Variants in SLC30A10 observed in about 807,000 individuals in gnomAD.
SLC30A10 encodes the protein calcium/manganese antiporter SLC30A10.
SLC30A10 carries 8 observed loss-of-function variants against 21.7 expected under a neutral mutation model. The observed-to-expected ratio is 0.37, with a 90% CI of 0.22 to 0.67. The LOEUF is 0.67. SLC30A10 is among the 30% of genes least tolerant of loss of function. The pLI is 0.58. For missense variants in SLC30A10, 521 were observed against 642.5 expected (o/e 0.81, Z 2.04); for synonymous variants, 272 against 279.4 (o/e 0.97, Z 0.26).
At chr1:219,944,098 C>CAAA (rs768499897) in intron 1 of SLC30A10, among the ~76,000 whole-genome samples, 1 of 100,406 alleles carries the variant, frequency 1.0e-5, no homozygotes. Flanking sequence ...AGACTCATCT[C>CAAA]AAAAAAAAAA....
intron 2 of SLC30A10, among the ~76,000 whole-genome samples, chr1:219,926,272 G>T (rs1659823305): frequency 6.6e-6 from 1 of 152,162 alleles, no homozygotes; most frequent in African/African-American, 2.4e-5. Flanking sequence ...CCCACTTACA[G>T]GCTTTCCCCA....
chr1:219,927,684 A>AC lies in SLC30A10; in HGVS notation c.640+116_640+117insG, dbSNP rs1456929731. On this transcript the variant is annotated intron_variant, in intron 1 of 3. Coordinates refer to ENST00000366926, the MANE Select transcript of SLC30A10 (RefSeq NM_018713.3). ...AAAAAAAAAACAACAACAACAAAAAAAAAAAAACAGAAAAAAAGCATGCAG... is the reference window on the plus strand; with the variant it reads ...AAAAAAAAAACAACAACAACAAAAAACAAAAAAACAGAAAAAAAGCATGCAG... 1,772 of 845,242 alleles carry AC rather than the reference A, an allele frequency of 2.1e-3. 82 individuals are homozygous for AC. The highest frequency in any genetic ancestry group is 2.4e-3 in the Admixed American group (48 of 19,712). 52.4% of individuals were successfully genotyped at this position (845,242 alleles called of 1,614,324 possible). A position where few individuals can be genotyped will look rare whatever the true frequency, so the allele number is the denominator to read the frequency against.
At chr1:219,916,014 G>C in intron 3 of SLC30A10, 66 bp from the exon 4 acceptor site, 2 of 1,546,300 alleles carry the variant, frequency 1.3e-6, no homozygotes, top group African/African-American at 1.4e-5. Flanking sequence ...AACTACAGGA[G>C]GGATATGGTT....
At chr1:219,947,030 A>G (rs555778709) in intron 1 of SLC30A10, among the ~76,000 whole-genome samples, 26 of 152,082 alleles carry the variant, frequency 1.7e-4, no homozygotes, top group Non-Finnish European at 3.5e-4. Context: ...GAGTTTCTTC[A>G]GGTAAAGAAT....
intron 1 of SLC30A10, among the ~76,000 whole-genome samples, chr1:219,951,653 G>A (rs1299015111): frequency 5.9e-5 from 9 of 151,668 alleles, no homozygotes; most frequent in Admixed American, 1.3e-4. Flanking sequence ...CCCAGGAGGC[G>A]GAGCTTGCAG....
At chr1:219,955,821 A>C (rs899939430) in intron 1 of SLC30A10, among the ~76,000 whole-genome samples, 2 of 152,228 alleles carry the variant, frequency 1.3e-5, no homozygotes, top group Non-Finnish European at 2.9e-5. Flanking sequence ...CATGTGCTAT[A>C]AGCTAGGGTT....
intron 1 of SLC30A10, among the ~76,000 whole-genome samples, chr1:219,954,131 A>T (rs1281260625): frequency 6.6e-6 from 1 of 151,966 alleles, no homozygotes; most frequent in Non-Finnish European, 1.5e-5. Context: ...TCTATGACAA[A>T]AGGAAACCTG....
At chr1:219,922,947 G>A (rs1386402975) in intron 2 of SLC30A10, among the ~76,000 whole-genome samples, 1 of 152,196 alleles carries the variant, frequency 6.6e-6, no homozygotes, top group Admixed American at 6.5e-5. Context: ...AACCAGATCT[G>A]CCTGATCACA....
Position 219,927,080 on chromosome 1 carries a change from C to T in SLC30A10, c.666G>A (p.Glu222=), listed in dbSNP as rs1270377121. Residue 222 remains glutamate (E), a synonymous_variant, in exon 2 of 4, where the codon GAG becomes GAA. Transcript: ENST00000366926. ...VAGDSFNTQN[E]PEDMMKKEKK... ...TCTCTTTTTTCATCATGTCTTCTGG[C>T]TCATTCTGGGTGTTGAAGGAATCAC... The T allele has an allele frequency of 6.2e-7, 1 of 1,614,000 alleles. No individual in the cohort carries two copies. The highest frequency in any genetic ancestry group is 8.5e-7 in the Non-Finnish European group (1 of 1,179,980).
At chr1:219,946,923 C>A (rs1436559245) in intron 1 of SLC30A10, among the ~76,000 whole-genome samples, 2 of 152,152 alleles carry the variant, frequency 1.3e-5, no homozygotes, top group Non-Finnish European at 2.9e-5. Context: ...TGTTTATTGG[C>A]CCCCAAAAGT....
At position 219,911,170 on chromosome 1, in the gene SLC30A10, T is replaced by TTTTTTTTTTTTTTTTTTTTTTTTTTTTTA. The variant is rs1659408285; in HGVS notation, c.*4278_*4279insTAAAAAAAAAAAAAAAAAAAAAAAAAAAA. Reference sequence around the variant, plus strand: ...ATCAGTTTTTTTTTTTTTTTTTTTTTTTTTGCAGTCTTTTACTACAGGAAT... The same window carrying TTTTTTTTTTTTTTTTTTTTTTTTTTTTTA: ...ATCAGTTTTTTTTTTTTTTTTTTTTTTTTTTTTTTTTTTTTTTTTTTTTTTTTTATTTTGCAGTCTTTTACTACAGGAAT... On this transcript the variant is annotated 3_prime_UTR_variant, in exon 4 of 4. Transcript: ENST00000366926. 7.4e-6 allele frequency among the ~76,000 whole-genome samples: 1 copy of TTTTTTTTTTTTTTTTTTTTTTTTTTTTTA among 136,046 alleles called. No homozygotes were observed. Among genetic ancestry groups the TTTTTTTTTTTTTTTTTTTTTTTTTTTTTA allele is most frequent in the Non-Finnish European group, 1.6e-5 (1 of 63,992 alleles). The allele number at this position is 136,046 out of a possible 152,430, so 89.3% of individuals were successfully genotyped here.
At chr1:219,934,311 A>T (rs925359779) in intron 1 of SLC30A10, among the ~76,000 whole-genome samples, 2 of 151,974 alleles carry the variant, frequency 1.3e-5, no homozygotes, top group African/African-American at 4.8e-5. Context: ...AATACCAAAA[A>T]AATTAGCCGG....
chr1:219,933,382 A>G (rs1176817492), upstream of SLC30A10, among the ~76,000 whole-genome samples: 2 of 152,182 alleles, frequency 1.3e-5, no homozygotes, highest in Non-Finnish European at 2.9e-5. Flanking sequence ...TTAATTTTGC[A>G]CTCACTTTGA....
intron 1 of SLC30A10, among the ~76,000 whole-genome samples, chr1:219,947,834 CA>C (rs1302005656): frequency 4.6e-5 from 7 of 152,028 alleles, no homozygotes; most frequent in Admixed American, 6.6e-5. Context: ...AACTCCGTCT[CA>C]AAAATAAATA....
At position 219,918,501 on chromosome 1, in the gene SLC30A10, G is replaced by A; in HGVS notation, c.719-7C>T. ...ATCACATGCAAAAGTACACCTGCCA[G>A]GAAGAAAGACTACTGCAGCACAGAT... On this transcript the variant is annotated splice_polypyrimidine_tract_variant and splice_region_variant and intron_variant, in intron 2 of 3. Coordinates refer to ENST00000366926, the MANE Select transcript of SLC30A10 (RefSeq NM_018713.3). This position sits in a 1 kb window ranked among gnomAD's most constrained non-coding sequence, Gnocchi z 4.4. 6.3e-7 allele frequency: 1 copy of A among 1,587,414 alleles called. No homozygotes were observed. The highest frequency in any genetic ancestry group is 8.6e-7 in the Non-Finnish European group (1 of 1,164,436).
chr1:219,954,046 A>G lies in SLC30A10; in HGVS notation n.80+4522T>C, dbSNP rs572737729. 6.6e-5 allele frequency among the ~76,000 whole-genome samples: 10 copies of G among 152,010 alleles called. No homozygotes were observed. The South Asian group carries it at 1.9e-3, about 28-fold the overall frequency. On this transcript the variant is annotated intron_variant and non_coding_transcript_variant, in intron 1 of 8. Transcript: ENST00000484239. ...TCCATAGTATTTGCTACTGGTAGAG[A>G]GACAGCAAATTCCCCTTTGCCTCTC...
intron 1 of SLC30A10, among the ~76,000 whole-genome samples, chr1:219,957,423 G>A (rs1476954828): frequency 6.6e-6 from 1 of 152,142 alleles, no homozygotes; most frequent in African/African-American, 2.4e-5. Flanking sequence ...CCCAGCTACT[G>A]AGAGAAAACT....
chr1:219,939,905 A>G (rs1660098621), intron 1 of SLC30A10, among the ~76,000 whole-genome samples: 1 of 152,166 alleles, frequency 6.6e-6, no homozygotes, highest in Non-Finnish European at 1.5e-5. Context: ...GGGAGGAGTG[A>G]GAGTCTTTTG....
Position 219,911,071 on chromosome 1 carries a change from A to T in SLC30A10, c.*4378T>A, listed in dbSNP as rs1659397387. 6.7e-6 allele frequency among the ~76,000 whole-genome samples: 1 copy of T among 150,366 alleles called. No individual in the cohort carries two copies. Among genetic ancestry groups the T allele is most frequent in the Non-Finnish European group, 1.5e-5 (1 of 67,770 alleles). On this transcript the variant is annotated 3_prime_UTR_variant, in exon 4 of 4. Coordinates refer to ENST00000366926, the MANE Select transcript of SLC30A10 (RefSeq NM_018713.3). ...TTTATCAGGTGCATGACTTCTATAGAGCAGGCATGCAGTCCGCGATCATTC... is the reference window on the plus strand; with the variant it reads ...TTTATCAGGTGCATGACTTCTATAGTGCAGGCATGCAGTCCGCGATCATTC...
Sources: gnomAD v4.1 joint callset for allele counts (sites outside exome capture counted in the v4.1 genomes callset) on GRCh38, gnomAD v4.1.1 for gene constraint, Gnocchi (gnomAD v3.1) non-coding constraint, MANE v1.5 for transcripts, NCBI Gene and HGNC (gene_info 2026-07-23, HGNC 2026-07-21) for gene names.